ANO2: variants seen among roughly 807,000 people sequenced by gnomAD.
The protein encoded by ANO2 is anoctamin-2.
ANO2 carries 101 observed loss-of-function variants against 124.2 expected under a neutral mutation model. That is an observed-to-expected ratio of 0.81 (90% CI 0.69 to 0.96). ANO2 has a LOEUF of 0.96. Among genes scored for constraint, ANO2 ranks in the 40% least tolerant of loss-of-function variants. The pLI is 0.00. For missense variants in ANO2, 1,293 were observed against 1,274.5 expected (o/e 1.01, Z -0.22); for synonymous variants, 486 against 482.5 (o/e 1.01, Z -0.09).
chr12:5,873,237 CT>C (rs1937846790), intron 3 of ANO2, among the ~76,000 whole-genome samples: 8 of 142,500 alleles, frequency 5.6e-5, no homozygotes, highest in African/African-American at 2.3e-4. Context: ...CTCTCTCTCT[CT>C]CTCTCTCTGT....
chr12:5,612,228 C>T (rs1944577270), intron 19 of ANO2, among the ~76,000 whole-genome samples: 1 of 152,182 alleles, frequency 6.6e-6, no homozygotes, highest in Admixed American at 6.5e-5. Flanking sequence ...AACTATTCCA[C>T]CCTCCCCTCC....
At chr12:5,935,948 A>C (rs1565795261) in intron 1 of ANO2, among the ~76,000 whole-genome samples, 1 of 152,188 alleles carries the variant, frequency 6.6e-6, no homozygotes, top group Non-Finnish European at 1.5e-5. Flanking sequence ...TAGAAGAAAG[A>C]AGCACCACTA....
chr12:5,753,499 G>A (rs1951496895), intron 10 of ANO2, among the ~76,000 whole-genome samples: 1 of 152,174 alleles, frequency 6.6e-6, no homozygotes, highest in African/African-American at 2.4e-5. Flanking sequence ...TTTTGGCAGA[G>A]TGAATTGGGG....
chr12:5,595,010 A>G (rs367699290), intron 20 of ANO2, among the ~76,000 whole-genome samples: 370 of 152,218 alleles, frequency 2.4e-3, no homozygotes, highest in African/African-American at 8.6e-3. Context: ...ACAGCTGGAA[A>G]CCTCTTCAGA....
In ANO2 at chr12:5,635,315, C is replaced by T. The variant is rs1945955640; in HGVS notation, c.1653G>A (p.Val551=). Residue 551 remains valine, a synonymous_variant, in exon 16 of 25, where the codon GTG becomes GTA. Transcript: ENST00000682330. The surrounding 1 kb of genome is among the most constrained non-coding windows in gnomAD (Gnocchi z 5.2). ...CTGCAGTTGTTATTCGATACACTAT[C>T]ACCCCAAAGACGATTGAGAATGTCA... ...IALTFSIVFG[V]IVYRITTAAA... 1.2e-6 allele frequency: 2 copies of T among 1,600,610 alleles called. No homozygotes were observed. Among genetic ancestry groups the T allele is most frequent in the Admixed American group, 1.8e-5 (1 of 56,350 alleles).
At chr12:5,864,880 T>G (rs1010116777) in intron 3 of ANO2, among the ~76,000 whole-genome samples, 3 of 152,170 alleles carry the variant, frequency 2.0e-5, no homozygotes, top group African/African-American at 7.2e-5. Context: ...CTTCCTGTCT[T>G]TCATTTATTT....
In ANO2 at chr12:5,781,925, T is replaced by A. The variant is rs988049122; in HGVS notation, c.1055+17582A>T. 2.0e-5 allele frequency among the ~76,000 whole-genome samples: 3 copies of A among 152,280 alleles called. No individual in the cohort carries two copies. In the East Asian group the frequency reaches 5.8e-4, roughly 29 times the overall value. On this transcript the variant is annotated intron_variant, in intron 10 of 24. Coordinates refer to ENST00000682330, the MANE Select transcript of ANO2 (RefSeq NM_001364791.2). Reference sequence around the variant, plus strand: ...GTGCATGTGAAAATAATGTTTCTGCTGCAGTTTGGGTATAGTATTCTATAA... The same window carrying A: ...GTGCATGTGAAAATAATGTTTCTGCAGCAGTTTGGGTATAGTATTCTATAA...
chr12:5,597,135 AG>A (rs1175063479), intron 20 of ANO2, among the ~76,000 whole-genome samples: 1 of 152,128 alleles, frequency 6.6e-6, no homozygotes, highest in Non-Finnish European at 1.5e-5. Flanking sequence ...GTGCAAGTGC[AG>A]GTTTGTCACA....
chr12:5,828,250 C>T (rs1317540018), intron 6 of ANO2, among the ~76,000 whole-genome samples: 6 of 152,076 alleles, frequency 3.9e-5, no homozygotes, highest in South Asian at 2.1e-4. Context: ...TGGCGGGTCC[C>T]GGGGAGGGGC....
chr12:5,922,756 C>G lies in ANO2; in HGVS notation c.71G>C (p.Gly24Ala), dbSNP rs774025431. The stretch of plus-strand genomic sequence containing the variant: ...TTTGGGGCCCTGGCCCCCTCTGGAC[C>G]CTGCCTGAGGGCTCAGCCGGCGTGG... ...GSPRRLSPQAGSRGGQGPKHG... is the reference protein window; with the variant it reads ...GSPRRLSPQAASRGGQGPKHG... The change falls in exon 2 of 25, where the codon GGG becomes GCG. Residue 24 changes from glycine to alanine, a missense_variant. By Grantham distance (60) the Gly-to-Ala change is moderately conservative. Coordinates refer to ENST00000682330, the MANE Select transcript of ANO2 (RefSeq NM_001364791.2). The G allele has an allele frequency of 5.7e-6, 9 of 1,573,918 alleles. No homozygotes were observed. The highest frequency in any genetic ancestry group is 7.8e-6 in the Non-Finnish European group (9 of 1,160,796).
chr12:5,603,129 T>C (rs1944023474), intron 19 of ANO2, among the ~76,000 whole-genome samples: 1 of 152,096 alleles, frequency 6.6e-6, no homozygotes, highest in African/African-American at 2.4e-5. Context: ...TTGAAGCAAC[T>C]CAGCTTGATA....
At chr12:5,832,313 C>T in intron 5 of ANO2, 139 bp downstream of exon 5, 1 of 967,186 alleles carries the variant, frequency 1.0e-6, no homozygotes, top group Non-Finnish European at 1.5e-6. Context: ...ACAATGTCAC[C>T]ATGAGAGCAT....
intron 14 of ANO2, among the ~76,000 whole-genome samples, chr12:5,663,019 A>G (rs966463508): frequency 3.0e-4 from 45 of 152,172 alleles, no homozygotes; most frequent in African/African-American, 1.0e-3. Context: ...TATAACACAT[A>G]CTGCTCAGTA....
At chr12:5,877,427 C>CT (rs1938184187) in intron 3 of ANO2, among the ~76,000 whole-genome samples, 3 of 152,274 alleles carry the variant, frequency 2.0e-5, no homozygotes, top group Admixed American at 2.0e-4. Context: ...GGTAGTTGTT[C>CT]TGGGAGTCTT....
chr12:5,859,128 T>C (rs10459135), intron 3 of ANO2, among the ~76,000 whole-genome samples: 13,240 of 152,152 alleles, frequency 0.087, 707 homozygotes, highest in East Asian at 0.27. Context: ...AAATAAGTAA[T>C]CAATATGACT....
At position 5,769,569 on chromosome 12, in the gene ANO2, A is replaced by C. The variant is rs146236479; in HGVS notation, c.1056-18599T>G. On this transcript the variant is annotated intron_variant, in intron 10 of 24. Coordinates refer to ENST00000682330, the MANE Select transcript of ANO2 (RefSeq NM_001364791.2). This position sits in a 1 kb window ranked among gnomAD's most constrained non-coding sequence, Gnocchi z 4.0. ...TTGGCAGAATCCTCATCTGAATCCA[A>C]GAGAAACGGTAAAGGCAAGTCCTGA... Among the ~76,000 whole-genome samples, 3 of 152,324 alleles carry C rather than the reference A, an allele frequency of 2.0e-5. No individual in the cohort carries two copies. The East Asian group carries it at 5.8e-4, about 29-fold the overall frequency.
At chr12:5,811,327 T>C (rs1565686861) in intron 7 of ANO2, among the ~76,000 whole-genome samples, 1 of 152,186 alleles carries the variant, frequency 6.6e-6, no homozygotes, top group African/African-American at 2.4e-5. Context: ...CATCACCAAA[T>C]TGTCTTGACG....
chr12:5,871,544 C>G (rs1465985132), intron 3 of ANO2, among the ~76,000 whole-genome samples: 2 of 152,164 alleles, frequency 1.3e-5, no homozygotes, highest in Non-Finnish European at 2.9e-5. Context: ...GTCAGATAAG[C>G]AGCAGTATTA....
chr12:5,723,347 T>A (rs1950312040), intron 14 of ANO2, among the ~76,000 whole-genome samples: 1 of 152,198 alleles, frequency 6.6e-6, no homozygotes. Context: ...CTTCTGCTCA[T>A]CCAGGTGGAG....
Sources: allele counts gnomAD v4.1 joint callset (sites outside exome capture counted in the v4.1 genomes callset), GRCh38; gene constraint gnomAD v4.1.1; non-coding constraint Gnocchi (gnomAD v3.1); transcripts MANE v1.5; gene names NCBI Gene and HGNC (gene_info 2026-07-23, HGNC 2026-07-21).